Variants in KLF8 observed in about 807,000 individuals in gnomAD.
KLF8 encodes the protein Krueppel-like factor 8.
KLF8 carries 10 observed loss-of-function variants against 18.2 expected under a neutral mutation model. The observed-to-expected ratio is 0.55, with a 90% CI of 0.34 to 0.93. KLF8 has a LOEUF of 0.93. KLF8 is among the 40% of genes least tolerant of loss of function. The pLI is 0.02. For missense variants in KLF8, 264 were observed against 277.9 expected (o/e 0.95, Z 0.36); for synonymous variants, 109 against 97.3 (o/e 1.12, Z -0.71).
At chrX:56,189,596 A>C in the KLF8 span, among the ~76,000 whole-genome samples, 7 of 110,998 alleles carry the variant, frequency 6.3e-5, no homozygotes, top group African/African-American at 9.8e-5. Flanking sequence ...CATTATTCAC[A>C]ATAGCAAAGT....
At chrX:56,061,077 A>T in the KLF8 span, among the ~76,000 whole-genome samples, 2 of 111,457 alleles carry the variant, frequency 1.8e-5, no homozygotes, top group South Asian at 7.5e-4. Context: ...TAGTCTGGCT[A>T]GAGGTCTATC....
chrX:55,941,511 C>T, the KLF8 span, among the ~76,000 whole-genome samples: 3 of 111,754 alleles, frequency 2.7e-5, no homozygotes, highest in South Asian at 3.7e-4. Flanking sequence ...AAAGCCAAAA[C>T]TGACAAATGG....
chrX:56,248,325 T>C (rs5960669), intron 1 of KLF8, among the ~76,000 whole-genome samples: 58,157 of 109,605 alleles, frequency 0.53, 13,717 homozygotes, highest in Non-Finnish European at 0.73. Flanking sequence ...AAGAACAGTG[T>C]CGTATCTGTG....
At chrX:56,091,391 C>A in the KLF8 span, among the ~76,000 whole-genome samples, 1 of 111,428 alleles carries the variant, frequency 9.0e-6, no homozygotes, top group East Asian at 2.8e-4. Context: ...GTCAATTACA[C>A]CTATTTCTTT....
the KLF8 span, among the ~76,000 whole-genome samples, chrX:55,988,065 A>C: frequency 4.5e-5 from 5 of 111,065 alleles, no homozygotes; most frequent in African/African-American, 1.3e-4. Context: ...TTTTTCTTGT[A>C]AATTTGTTTG....
the KLF8 span, among the ~76,000 whole-genome samples, chrX:56,178,244 G>A: frequency 8.9e-6 from 1 of 112,676 alleles, no homozygotes; most frequent in African/African-American, 3.2e-5. Context: ...GTGATGATGA[G>A]CATTTTCTTC....
At chrX:55,915,659 C>T in the KLF8 span, among the ~76,000 whole-genome samples, 1 of 112,029 alleles carries the variant, frequency 8.9e-6, no homozygotes, top group Admixed American at 9.5e-5. Context: ...AATAAGCTCA[C>T]AGTTTTCTTG....
the KLF8 span, among the ~76,000 whole-genome samples, chrX:55,985,724 A>G: frequency 3.6e-5 from 4 of 110,543 alleles, no homozygotes; most frequent in Non-Finnish European, 5.7e-5. Context: ...CTTGGGCAGT[A>G]TGGACATTTT....
At chrX:55,926,210 A>T in the KLF8 span, among the ~76,000 whole-genome samples, 3 of 111,591 alleles carry the variant, frequency 2.7e-5, no homozygotes, top group East Asian at 8.5e-4. Context: ...TACCTGTGAC[A>T]CTGATGCCCT....
chrX:55,997,837 A>G, the KLF8 span, among the ~76,000 whole-genome samples: 11 of 111,451 alleles, frequency 9.9e-5, no homozygotes, highest in Non-Finnish European at 1.9e-4. Context: ...GACTTGGAAA[A>G]GAAAAAGACA....
At chrX:55,923,889 A>G in the KLF8 span, among the ~76,000 whole-genome samples, 1 of 111,101 alleles carries the variant, frequency 9.0e-6, no homozygotes, top group South Asian at 3.8e-4. Flanking sequence ...GATGTTCCTT[A>G]ATCATGCTAA....
chrX:56,223,403 C>T, the KLF8 span, among the ~76,000 whole-genome samples: 4 of 112,401 alleles, frequency 3.6e-5, no homozygotes, highest in Admixed American at 3.8e-4. Flanking sequence ...GAATAAATAA[C>T]TTACTACAAT....
the KLF8 span, among the ~76,000 whole-genome samples, chrX:55,916,519 C>T: frequency 9.0e-6 from 1 of 111,485 alleles, no homozygotes; most frequent in East Asian, 2.8e-4. Context: ...CAAAGGGCTT[C>T]CTTCAGTGGC....
At chrX:55,961,245 T>A in the KLF8 span, 1 of 317,482 alleles carries the variant, frequency 3.1e-6, no homozygotes. Context: ...CTCTCCAGGA[T>A]CCCCACTGCC....
chrX:56,078,419 G>A, the KLF8 span, among the ~76,000 whole-genome samples: 25 of 111,990 alleles, frequency 2.2e-4, no homozygotes, highest in Admixed American at 3.8e-4. Context: ...TTTGTCTCTG[G>A]TTCTGTTTAT....
At chrX:56,103,739 C>A in the KLF8 span, among the ~76,000 whole-genome samples, 38 of 111,521 alleles carry the variant, frequency 3.4e-4, no homozygotes, top group East Asian at 2.5e-3. Context: ...CCAGAACTTC[C>A]AACATTATGT....
the KLF8 span, among the ~76,000 whole-genome samples, chrX:56,154,561 A>T: frequency 1.8e-5 from 2 of 112,301 alleles, no homozygotes; most frequent in Non-Finnish European, 3.8e-5. Context: ...CTTCATGTCT[A>T]AAACGCCAAA....
chrX:56,158,826 C>A, the KLF8 span, among the ~76,000 whole-genome samples: 2 of 111,824 alleles, frequency 1.8e-5, no homozygotes, highest in Non-Finnish European at 3.8e-5. Flanking sequence ...ATCATGTCAA[C>A]TGCAAACAGG....
the KLF8 span, among the ~76,000 whole-genome samples, chrX:56,036,938 T>A: frequency 9.0e-6 from 1 of 110,563 alleles, no homozygotes; most frequent in Non-Finnish European, 1.9e-5. Context: ...CAAATGTGAC[T>A]GCCTTCTTGA....
Sources: allele counts gnomAD v4.1 joint callset (sites outside exome capture counted in the v4.1 genomes callset), GRCh38; gene constraint gnomAD v4.1.1; transcripts MANE v1.5; gene names NCBI Gene and HGNC (gene_info 2026-07-23, HGNC 2026-07-21).